Variants in PIWIL2 observed in about 807,000 individuals in gnomAD.
The protein encoded by PIWIL2 is piwi like RNA-mediated gene silencing 2, also known as piwi-like protein 2.
In PIWIL2, 81 loss-of-function variants were observed where a neutral mutation model predicts 116.5. The ratio of observed to expected loss-of-function variants is 0.70; its 90% confidence interval spans 0.58 to 0.84. The LOEUF (loss-of-function observed/expected upper bound fraction) is 0.84, where lower values mean the gene tolerates loss of function less well. PIWIL2 is among the 40% of genes least tolerant of loss of function. The pLI is 0.00. For synonymous variants in PIWIL2, 489 were observed against 429.5 expected (o/e 1.14, Z -1.71); for missense variants, 1,272 against 1,212.3 (o/e 1.05, Z -0.73).
intron 16 of PIWIL2, among the ~76,000 whole-genome samples, chr8:22,312,001 C>T (rs550807061): frequency 2.0e-5 from 3 of 151,974 alleles, no homozygotes; most frequent in Admixed American, 6.6e-5. Flanking sequence ...CAGTGGCTCA[C>T]GCCTGGAATT....
At chr8:22,293,016 T>G (rs1830799681) in intron 10 of PIWIL2, among the ~76,000 whole-genome samples, 1 of 152,262 alleles carries the variant, frequency 6.6e-6, no homozygotes, top group African/African-American at 2.4e-5. Flanking sequence ...CAGTAAATGT[T>G]CAAGAATATT....
chr8:22,295,814 C>G (rs565908923), intron 10 of PIWIL2, among the ~76,000 whole-genome samples: 51 of 152,254 alleles, frequency 3.3e-4, no homozygotes, highest in African/African-American at 1.2e-3. Flanking sequence ...GGTTTGCATA[C>G]TTCTAAAGGG....
chr8:22,294,412 C>T (rs1458610755), intron 10 of PIWIL2, among the ~76,000 whole-genome samples: 7 of 147,176 alleles, frequency 4.8e-5, no homozygotes, highest in South Asian at 2.2e-4. Context: ...GAGGCCGAGG[C>T]GGGCAGATCA....
intron 10 of PIWIL2, among the ~76,000 whole-genome samples, chr8:22,295,962 C>T (rs139641583): frequency 1.3e-5 from 2 of 148,290 alleles, no homozygotes; most frequent in Non-Finnish European, 3.0e-5. Context: ...GGCTTCAGTT[C>T]GGCTGGTTGC....
chr8:22,286,439 A>G (rs1830630513), intron 6 of PIWIL2, among the ~76,000 whole-genome samples: 1 of 152,160 alleles, frequency 6.6e-6, no homozygotes, highest in Non-Finnish European at 1.5e-5. Flanking sequence ...AGTGGGGGAA[A>G]TTGGATCCCA....
At position 22,355,539 on chromosome 8, in the gene PIWIL2, A is replaced by G. The variant is rs1832470256; in HGVS notation, c.*34A>G. Reference sequence around the variant, plus strand: ...CTTGGAGATGGGCTGGTGAGAAGAAAGGCGGCCTCAGAACTCAGCTGTGAC... The same window carrying G: ...CTTGGAGATGGGCTGGTGAGAAGAAGGGCGGCCTCAGAACTCAGCTGTGAC... On this transcript the variant is annotated 3_prime_UTR_variant, in exon 23 of 23. Transcript: ENST00000356766. 6.2e-7 allele frequency: 1 copy of G among 1,600,438 alleles called. No individual in the cohort carries two copies. Among genetic ancestry groups the G allele is most frequent in the Non-Finnish European group, 8.5e-7 (1 of 1,171,758 alleles).
At chr8:22,317,823 C>G (rs890145199) in intron 19 of PIWIL2, among the ~76,000 whole-genome samples, 3 of 151,956 alleles carry the variant, frequency 2.0e-5, no homozygotes, top group Non-Finnish European at 4.4e-5. Context: ...CCACGCCCGG[C>G]TAATTTTTTT....
intron 22 of PIWIL2, among the ~76,000 whole-genome samples, chr8:22,354,621 A>G (rs552075712): frequency 6.6e-6 from 1 of 152,252 alleles, no homozygotes; most frequent in East Asian, 1.9e-4. Context: ...AGGCATCTGT[A>G]TTTTTTAAAT....
chr8:22,347,440 A>G (rs1400934534), intron 20 of PIWIL2, among the ~76,000 whole-genome samples: 4 of 150,868 alleles, frequency 2.7e-5, no homozygotes, highest in African/African-American at 9.8e-5. Context: ...GATGGTCTCA[A>G]TCTCCTGACC....
At chr8:22,290,460 G>A in intron 10 of PIWIL2, 114 bp downstream of exon 10, 1 of 630,258 alleles carries the variant, frequency 1.6e-6, no homozygotes, top group Non-Finnish European at 2.9e-6. Context: ...TTTTCCCCCA[G>A]AGACAGGGTC....
At chr8:22,290,404 A>G in intron 10 of PIWIL2, 58 bp downstream of exon 10, 2 of 916,714 alleles carry the variant, frequency 2.2e-6, no homozygotes, top group Non-Finnish European at 3.6e-6. Flanking sequence ...AAAGTTCAGT[A>G]ACAGCTGGTA....
chr8:22,339,114 A>G (rs1480544983), intron 20 of PIWIL2, among the ~76,000 whole-genome samples: 1 of 152,200 alleles, frequency 6.6e-6, no homozygotes, highest in Non-Finnish European at 1.5e-5. Flanking sequence ...TACTGGGACT[A>G]CTGGATATCC....
chr8:22,282,864 A>G (rs986717141), intron 4 of PIWIL2, among the ~76,000 whole-genome samples, 170 bp from the exon 5 acceptor site: 2 of 152,204 alleles, frequency 1.3e-5, no homozygotes, highest in Non-Finnish European at 2.9e-5. Context: ...TGCTAGGGTT[A>G]CAGGCGTGAG....
rs1830451200 is a variant in PIWIL2 at position 22,279,485 on chromosome 8, A to G, written c.99A>G (p.Lys33=). The change falls in exon 2 of 23, where the codon AAA becomes AAG. Residue 33 remains lysine, a synonymous_variant. Transcript: ENST00000356766. ...CAGGCTGTTGGCCACAAGCTTCTAA[A>G]CCTTTGGACCCAGCTCTGGGCAGGG... ...RMPGCWPQAS[K]PLDPALGRGA... is the part of the protein sequence containing the mutation. 1 of 1,613,968 alleles carries G rather than the reference A, an allele frequency of 6.2e-7. No homozygotes were observed. The highest frequency in any genetic ancestry group is 8.5e-7 in the Non-Finnish European group (1 of 1,180,008).
chr8:22,300,343 A>G (rs1831017071), intron 10 of PIWIL2, among the ~76,000 whole-genome samples: 1 of 152,126 alleles, frequency 6.6e-6, no homozygotes, highest in African/African-American at 2.4e-5. Flanking sequence ...GTATGTTGCA[A>G]ATGTTCATTC....
At chr8:22,326,900 G>A (rs769041462) in intron 20 of PIWIL2, among the ~76,000 whole-genome samples, 9 of 151,850 alleles carry the variant, frequency 5.9e-5, no homozygotes, top group African/African-American at 9.7e-5. Context: ...TGTGTTTAAC[G>A]TTTAGAGGAA....
rs1213357733 is a variant in PIWIL2 at position 22,355,470 on chromosome 8, G to A, written c.2887G>A (p.Ala963Thr). The A allele has an allele frequency of 6.2e-7, 1 of 1,614,170 alleles. No homozygotes were observed. The highest frequency in any genetic ancestry group is 2.2e-5 in the East Asian group (1 of 44,886). ...AGGACACATCTTGCATCATGAACCAGCCATCCAGCTGTGCGAGAACCTGTT... is the reference window on the plus strand; with the variant it reads ...AGGACACATCTTGCATCATGAACCAACCATCCAGCTGTGCGAGAACCTGTT... ...LSGHILHHEP[A>T]IQLCENLFFL Residue 963 changes from alanine (A) to threonine (T), a missense_variant, in exon 23 of 23, where the codon GCC becomes ACC. Ala to Thr is a moderately conservative substitution (Grantham distance 58). Transcript: ENST00000356766.
At chr8:22,353,327 G>C in intron 21 of PIWIL2, 115 bp downstream of exon 21, 1 of 908,312 alleles carries the variant, frequency 1.1e-6, no homozygotes, top group East Asian at 2.4e-5. Context: ...ATCTCAGAGA[G>C]GCTACCGTTA....
intron 20 of PIWIL2, among the ~76,000 whole-genome samples, chr8:22,332,033 A>C (rs1831875092): frequency 6.6e-6 from 1 of 152,056 alleles, no homozygotes; most frequent in Non-Finnish European, 1.5e-5. Context: ...GTGAGCAGAA[A>C]ATAATCAAAC....
Sources: allele counts gnomAD v4.1 joint callset (sites outside exome capture counted in the v4.1 genomes callset), GRCh38; gene constraint gnomAD v4.1.1; transcripts MANE v1.5; gene names NCBI Gene and HGNC (gene_info 2026-07-23, HGNC 2026-07-21).